Variants in ALK observed in about 807,000 individuals in gnomAD.
The protein encoded by ALK is ALK receptor tyrosine kinase, also known as ALK tyrosine kinase receptor.
In ALK, 74 loss-of-function variants were observed where a neutral mutation model predicts 163.1. That is an observed-to-expected ratio of 0.45 (90% confidence interval 0.38 to 0.55). ALK has a LOEUF of 0.55. ALK is among the 20% of genes least tolerant of loss of function. The pLI is 0.00. For missense variants in ALK, 2,063 were observed against 2,105.3 expected (o/e 0.98, Z 0.39); for synonymous variants, 960 against 843.2 (o/e 1.14, Z -2.40).
intron 3 of ALK, among the ~76,000 whole-genome samples, chr2:29,534,697 A>C (rs1414952303): frequency 6.6e-6 from 1 of 152,218 alleles, no homozygotes; most frequent in African/African-American, 2.4e-5. Context: ...GTGCACATGC[A>C]TGAGAAGCTC....
At chr2:29,670,439 C>T (rs1034179145) in intron 3 of ALK, among the ~76,000 whole-genome samples, 4 of 151,976 alleles carry the variant, frequency 2.6e-5, no homozygotes, top group Admixed American at 1.3e-4. Flanking sequence ...TTGATGACTG[C>T]AGCATCCTCT....
intron 15 of ALK, among the ~76,000 whole-genome samples, chr2:29,229,941 C>CA (rs1396601681): frequency 1.3e-5 from 2 of 152,278 alleles, no homozygotes; most frequent in Middle Eastern, 3.4e-3. Flanking sequence ...TGGGCTCTTA[C>CA]AAAGGAAGCT....
At chr2:29,728,683 G>T (rs552130818) in intron 1 of ALK, among the ~76,000 whole-genome samples, 33 of 152,294 alleles carry the variant, frequency 2.2e-4, no homozygotes, top group Middle Eastern at 3.4e-3. Context: ...TAAAGGGAGT[G>T]GGGTAGGGTG....
At chr2:29,354,126 T>C (rs781600531) in intron 5 of ALK, among the ~76,000 whole-genome samples, 1 of 152,206 alleles carries the variant, frequency 6.6e-6, no homozygotes, top group African/African-American at 2.4e-5. Flanking sequence ...TTTCAGAATT[T>C]CATTTCTTTG....
At chr2:29,733,439 T>C (rs1234963444) in intron 1 of ALK, among the ~76,000 whole-genome samples, 2 of 152,214 alleles carry the variant, frequency 1.3e-5, no homozygotes, top group Non-Finnish European at 2.9e-5. Context: ...GATGTCAGGC[T>C]GGCCTGAACT....
At chr2:29,878,774 G>A (rs949372614) in intron 1 of ALK, among the ~76,000 whole-genome samples, 2 of 152,220 alleles carry the variant, frequency 1.3e-5, no homozygotes, top group Non-Finnish European at 2.9e-5. Flanking sequence ...GCAGAGAGCT[G>A]GGTGGGGAGC....
At chr2:29,481,831 A>G (rs1573390541) in intron 4 of ALK, among the ~76,000 whole-genome samples, 2 of 152,334 alleles carry the variant, frequency 1.3e-5, no homozygotes, top group East Asian at 1.9e-4. Flanking sequence ...CTTTACATTC[A>G]GGAAAGAGGG....
chr2:29,875,645 G>C (rs146469617), intron 1 of ALK, among the ~76,000 whole-genome samples: 1 of 151,980 alleles, frequency 6.6e-6, no homozygotes, highest in East Asian at 1.9e-4. Context: ...ATGTGTTCTC[G>C]TTGTTCAATT....
chr2:29,909,507 A>G (rs1479305072), intron 1 of ALK, among the ~76,000 whole-genome samples: 1 of 151,478 alleles, frequency 6.6e-6, no homozygotes, highest in Non-Finnish European at 1.5e-5. Context: ...AGAGAGAGAG[A>G]GAGAGAGAGA....
chr2:29,322,505 C>T (rs1313314690), intron 6 of ALK, among the ~76,000 whole-genome samples: 1 of 152,230 alleles, frequency 6.6e-6, no homozygotes, highest in Non-Finnish European at 1.5e-5. Context: ...TGGAAGTGAC[C>T]TTCTCATGGA....
At position 29,227,774 on chromosome 2, in the gene ALK, G is replaced by T; in HGVS notation, c.2816-102C>A. The T allele has an allele frequency of 3.4e-6, 3 of 882,796 alleles. No homozygotes were observed. In the Admixed American group the frequency reaches 5.5e-5, roughly 16 times the overall value. 54.7% of individuals were successfully genotyped at this position (882,796 alleles called of 1,614,324 possible). On this transcript the variant is annotated intron_variant, in intron 16 of 28. Coordinates refer to ENST00000389048, the MANE Select transcript of ALK (RefSeq NM_004304.5). This position sits in a 1 kb window ranked among gnomAD's most constrained non-coding sequence, Gnocchi z 4.4. The stretch of plus-strand genomic sequence containing the variant: ...CATGCAGCTCTGGCCAAAGTTAGGG[G>T]GTCACTGGGGACCTCAGGGGCAGGG...
At chr2:29,866,218 C>T (rs1181250925) in intron 1 of ALK, among the ~76,000 whole-genome samples, 4 of 152,134 alleles carry the variant, frequency 2.6e-5, no homozygotes, top group African/African-American at 9.7e-5. Flanking sequence ...TGAAATGAGG[C>T]CACTTCATCC....
At chr2:29,695,845 C>T (rs1678541535) in intron 2 of ALK, among the ~76,000 whole-genome samples, 1 of 152,092 alleles carries the variant, frequency 6.6e-6, no homozygotes, top group Non-Finnish European at 1.5e-5. Context: ...GAATGGCGAT[C>T]ATTAAAAAGG....
At chr2:29,655,780 A>G (rs1263318799) in intron 3 of ALK, among the ~76,000 whole-genome samples, 1 of 152,240 alleles carries the variant, frequency 6.6e-6, no homozygotes, top group African/African-American at 2.4e-5. Context: ...AATGGAAAAT[A>G]AAGTATAAAG....
At chr2:29,873,821 A>T (rs1016656468) in intron 1 of ALK, among the ~76,000 whole-genome samples, 1 of 151,880 alleles carries the variant, frequency 6.6e-6, no homozygotes, top group Non-Finnish European at 1.5e-5. Context: ...TAGCAGTGAT[A>T]ATGACTGGGT....
intron 4 of ALK, among the ~76,000 whole-genome samples, chr2:29,475,785 A>T (rs531838897): frequency 6.6e-6 from 1 of 152,328 alleles, no homozygotes; most frequent in African/African-American, 2.4e-5. Context: ...GCCCCGATAA[A>T]GGCTCATTCA....
At chr2:29,471,739 T>TA (rs1671351330) in intron 4 of ALK, among the ~76,000 whole-genome samples, 1 of 119,830 alleles carries the variant, frequency 8.3e-6, no homozygotes, top group Non-Finnish European at 1.9e-5. Context: ...AACTTTCTTT[T>TA]CTTTTTTTTT....
chr2:29,301,212 G>A (rs200734401), intron 8 of ALK, among the ~76,000 whole-genome samples: 2 of 152,074 alleles, frequency 1.3e-5, no homozygotes, highest in East Asian at 1.9e-4. Context: ...TTCTCTACCT[G>A]CTTTTTCCTT....
chr2:29,798,812 G>T (rs981062308), intron 1 of ALK, among the ~76,000 whole-genome samples: 8 of 152,170 alleles, frequency 5.3e-5, no homozygotes, highest in Non-Finnish European at 8.8e-5. Context: ...GAAGGACTCT[G>T]ACCGTTCTGG....
Sources: allele counts gnomAD v4.1 joint callset (sites outside exome capture counted in the v4.1 genomes callset), GRCh38; gene constraint gnomAD v4.1.1; non-coding constraint Gnocchi (gnomAD v3.1); transcripts MANE v1.5; gene names NCBI Gene and HGNC (gene_info 2026-07-23, HGNC 2026-07-21).